Variants in ITSN1 observed in about 807,000 individuals in gnomAD.
ITSN1 encodes intersectin 1.
ITSN1 carries 58 observed loss-of-function variants against 239.8 expected under a neutral mutation model. The observed-to-expected ratio is 0.24, with a 90% CI of 0.20 to 0.30. ITSN1 has a LOEUF of 0.30. ITSN1 is among the 10% of genes least tolerant of loss of function. ITSN1 has a pLI of 1.00. For missense variants in ITSN1, 1,558 were observed against 2,103.3 expected, an observed-to-expected ratio of 0.74 and a Z score of 5.07; for synonymous variants, 780 against 770.8, an observed-to-expected ratio of 1.01 and a Z score of -0.20.
At chr21:33,838,031 T>C in intron 29 of ITSN1, 1 of 985,772 alleles carries the variant, frequency 1.0e-6, no homozygotes, top group South Asian at 4.7e-5. Flanking sequence ...GCAATTAATT[T>C]CCAATGTTTA....
At chr21:33,725,907 C>T (rs7278306) in intron 4 of ITSN1, among the ~76,000 whole-genome samples, 6,731 of 152,254 alleles carry the variant, frequency 0.044, 506 homozygotes, top group African/African-American at 0.16. Flanking sequence ...GCAAGATCTG[C>T]CTTTCAACTG....
Position 33,875,337 on chromosome 21 carries a change from T to C in ITSN1, c.4174-17T>C, listed in dbSNP as rs748071415. 6.2e-7 allele frequency: 1 copy of C among 1,614,114 alleles called. No individual in the cohort carries two copies. Among genetic ancestry groups the C allele is most frequent in the Non-Finnish European group, 8.5e-7 (1 of 1,179,970 alleles). On this transcript the variant is annotated splice_polypyrimidine_tract_variant and intron_variant, in intron 33 of 39. Transcript: ENST00000381318. ...CATTGCCTAAAAGGAGGTGGTTGTT[T>C]TTATTCTCCTGTGTAGATCCTGGAA...
chr21:33,877,714 G>C (rs920214155), intron 34 of ITSN1, among the ~76,000 whole-genome samples: 2 of 152,100 alleles, frequency 1.3e-5, no homozygotes, highest in Non-Finnish European at 2.9e-5. Flanking sequence ...AGCGTCAGCA[G>C]ATTCAAGAGA....
chr21:33,817,626 T>TAATA (rs758510528), intron 22 of ITSN1: 1 of 1,252,428 alleles, frequency 8.0e-7, no homozygotes, highest in Non-Finnish European at 1.0e-6. Flanking sequence ...GCTTTGTGGT[T>TAATA]AATAAAGTGC....
rs573990503 is a variant in ITSN1 at position 33,752,728 on chromosome 21, T to C, written c.623+822T>C. Among the ~76,000 whole-genome samples the C allele has an allele frequency of 3.3e-5, 5 of 151,754 alleles. No homozygotes were observed. The East Asian group carries it at 5.8e-4, about 18-fold the overall frequency. On this transcript the variant is annotated intron_variant, in intron 7 of 39. Transcript: ENST00000381318. ...TAGGGAGACCTTGTCGATACAAAAATTTAAAAATGAGATGGGAGGATGGCT... is the reference window on the plus strand; with the variant it reads ...TAGGGAGACCTTGTCGATACAAAAACTTAAAAATGAGATGGGAGGATGGCT...
At position 33,834,374 on chromosome 21, in the gene ITSN1, C is replaced by T. The variant is rs200762568; in HGVS notation, c.3419C>T (p.Thr1140Met). 5.5e-5 allele frequency: 89 copies of T among 1,613,826 alleles called. No individual in the cohort carries two copies. The highest frequency in any genetic ancestry group is 1.2e-4 in the Admixed American group (7 of 59,996). ...ANYVKLLSPGTSKITPTEPPK... is the reference protein window; with the variant it reads ...ANYVKLLSPGMSKITPTEPPK... ...TATGTAAAGCTTCTAAGCCCTGGGACGAGCAAAATCACTCCAACAGAGCCA... is the reference window on the plus strand; with the variant it reads ...TATGTAAAGCTTCTAAGCCCTGGGATGAGCAAAATCACTCCAACAGAGCCA... The change falls in exon 28 of 40, where the codon ACG (threonine) becomes ATG (methionine). Residue 1140 changes from threonine to methionine, a missense_variant. Thr to Met is a moderately conservative substitution (Grantham distance 81). Coordinates refer to ENST00000381318, the MANE Select transcript of ITSN1 (RefSeq NM_003024.3).
chr21:33,781,898 G>A, intron 15 of ITSN1, 96 bp from the exon 16 acceptor site: 1 of 1,228,478 alleles, frequency 8.1e-7, no homozygotes, highest in Admixed American at 2.5e-5. Context: ...TTTTTAACCA[G>A]CAAGAATTTC....
chr21:33,885,364 ATTGTG>A, intron 37 of ITSN1, 70 bp from the exon 38 acceptor site: 1 of 1,338,748 alleles, frequency 7.5e-7, no homozygotes, highest in Non-Finnish European at 1.1e-6. Flanking sequence ...CATGAAATGC[ATTGTG>A]AGGCTCACAG....
At chr21:33,783,948 T>C (rs1018334733) in intron 16 of ITSN1, among the ~76,000 whole-genome samples, 33 of 152,274 alleles carry the variant, frequency 2.2e-4, no homozygotes, top group African/African-American at 5.8e-4. Context: ...TCTGTTGCCA[T>C]TACTAAAGAG....
rs146747530 is a variant in ITSN1 at position 33,694,682 on chromosome 21, G to A, written c.-32-24115G>A. On this transcript the variant is annotated intron_variant, in intron 1 of 39. Transcript: ENST00000381318. ...CTAAAAATACAAAAATTAGCCAGGC[G>A]TGGTGGTGGGTGCCTGTAATCCCAG... 9.7e-3 allele frequency among the ~76,000 whole-genome samples: 1,480 copies of A among 152,186 alleles called. 12 individuals carry two copies. Among genetic ancestry groups the A allele is most frequent in the Non-Finnish European group, 0.016 (1,090 of 68,004 alleles).
intron 29 of ITSN1, among the ~76,000 whole-genome samples, chr21:33,847,376 G>A (rs2075018651): frequency 6.6e-6 from 1 of 152,248 alleles, no homozygotes; most frequent in Non-Finnish European, 1.5e-5. Flanking sequence ...GCCTGATCTT[G>A]CAGGCATCTG....
rs1173905663 is a variant in ITSN1 at position 33,891,176 on chromosome 21, G to A, written c.*2876G>A. The A allele has an allele frequency of 6.6e-6, 1 of 152,240 alleles. No individual in the cohort carries two copies. The allele number at this position is 152,240 out of a possible 1,614,324, so 9.4% of individuals were successfully genotyped here. On this transcript the variant is annotated 3_prime_UTR_variant, in exon 40 of 40. Transcript: ENST00000381318. ...GCTGTGACCATGAGAGCCTGAAGAT[G>A]TGGCTCATTCGGATCCAGGCCTGGA...
intron 4 of ITSN1, among the ~76,000 whole-genome samples, chr21:33,730,088 A>G (rs2066079943): frequency 6.6e-6 from 1 of 151,806 alleles, no homozygotes; most frequent in African/African-American, 2.4e-5. Context: ...GTTTATTTTC[A>G]TTTTTATTTA....
At chr21:33,662,315 T>C (rs2089621345) in intron 1 of ITSN1, among the ~76,000 whole-genome samples, 1 of 152,218 alleles carries the variant, frequency 6.6e-6, no homozygotes, top group Non-Finnish European at 1.5e-5. Context: ...CCTCTTTCCA[T>C]CTATTTTCTA....
chr21:33,647,346 A>G (rs749177122), intron 1 of ITSN1, among the ~76,000 whole-genome samples: 24 of 152,212 alleles, frequency 1.6e-4, no homozygotes, highest in South Asian at 4.1e-4. Context: ...TTCTGGTAAC[A>G]AAAATGGGAT....
At chr21:33,773,687 T>C (rs2069362186) in intron 12 of ITSN1, among the ~76,000 whole-genome samples, 1 of 151,496 alleles carries the variant, frequency 6.6e-6, no homozygotes, top group South Asian at 2.1e-4. Flanking sequence ...ATAACTCCTT[T>C]TTTTTTTTTT....
intron 14 of ITSN1, among the ~76,000 whole-genome samples, chr21:33,779,825 A>G (rs1321576773): frequency 6.6e-6 from 1 of 152,054 alleles, no homozygotes; most frequent in Non-Finnish European, 1.5e-5. Context: ...ACCTTTTTAA[A>G]GTATATTTTT....
At chr21:33,733,431 T>C (rs2066309556) in intron 4 of ITSN1, among the ~76,000 whole-genome samples, 1 of 152,148 alleles carries the variant, frequency 6.6e-6, no homozygotes, top group Non-Finnish European at 1.5e-5. Flanking sequence ...AATAATACAA[T>C]GTTAGAAAAT....
At position 33,878,009 on chromosome 21, in the gene ITSN1, TGTGTGTG is replaced by T. The variant is rs1402389032; in HGVS notation, c.4341+2489_4341+2495del. 5.9e-4 allele frequency among the ~76,000 whole-genome samples: 3 copies of T among 5,108 alleles called. No individual in the cohort carries two copies. In the African/African-American group the frequency reaches 9.8e-3, roughly 17 times the overall value. 3.4% of individuals were successfully genotyped at this position (5,108 alleles called of 152,430 possible). A position where few individuals can be genotyped will look rare whatever the true frequency, so the allele number is the denominator to read the frequency against. ...CTCTCTTTCTCTTTCTCTCTCTCTT[TGTGTGTG>T]TGTGTGTGTGTGTGTGTGTGTGTGT... On this transcript the variant is annotated intron_variant, in intron 34 of 39. Coordinates refer to ENST00000381318, the MANE Select transcript of ITSN1 (RefSeq NM_003024.3).
Sources: gnomAD v4.1 joint callset for allele counts (sites outside exome capture counted in the v4.1 genomes callset) on GRCh38, gnomAD v4.1.1 for gene constraint, MANE v1.5 for transcripts, NCBI Gene and HGNC (gene_info 2026-07-23, HGNC 2026-07-21) for gene names.